ASIC2: variants seen among roughly 807,000 people sequenced by gnomAD.
ASIC2 encodes acid-sensing ion channel 2.
Under a neutral mutation model 57.3 loss-of-function variants are expected in ASIC2, and 25 were observed. The ratio of observed to expected loss-of-function variants is 0.44; its 90% CI spans 0.32 to 0.61. The LOEUF (loss-of-function observed/expected upper bound fraction) is 0.61, where lower values mean the gene tolerates loss of function less well. ASIC2 is among the 20% of genes least tolerant of loss of function. The probability of loss-of-function intolerance (pLI) is 0.06; values close to 1 mark genes in which losing one functional copy is unlikely to be tolerated. For synonymous variants in ASIC2, 319 were observed against 307.5 expected (o/e 1.04, Z -0.39); for missense variants, 641 against 738.1 (o/e 0.87, Z 1.52).
At chr17:33,211,318 TATC>T (rs1317652300) in intron 1 of ASIC2, among the ~76,000 whole-genome samples, 4 of 152,028 alleles carry the variant, frequency 2.6e-5, no homozygotes, top group Non-Finnish European at 5.9e-5. Flanking sequence ...TGTTTGGTGA[TATC>T]ATGTTGATGG....
At chr17:33,538,231 A>G (rs1056023445) in intron 1 of ASIC2, among the ~76,000 whole-genome samples, 5 of 152,178 alleles carry the variant, frequency 3.3e-5, no homozygotes, top group African/African-American at 1.2e-4. Context: ...AGGGTATGGA[A>G]GCTAAACAGG....
chr17:33,994,780 G>A (rs1460658723), intron 1 of ASIC2, among the ~76,000 whole-genome samples: 4 of 152,058 alleles, frequency 2.6e-5, no homozygotes, highest in Non-Finnish European at 2.9e-5. Flanking sequence ...GACACTCATA[G>A]ACTTTGGAGT....
At chr17:33,243,101 A>T (rs1384178412) in intron 1 of ASIC2, among the ~76,000 whole-genome samples, 1 of 152,234 alleles carries the variant, frequency 6.6e-6, no homozygotes, top group African/African-American at 2.4e-5. Flanking sequence ...GATACCATGC[A>T]GGGCTCTTCC....
chr17:33,473,202 G>A (rs1913111545), intron 1 of ASIC2, among the ~76,000 whole-genome samples: 1 of 152,360 alleles, frequency 6.6e-6, no homozygotes, highest in Admixed American at 6.5e-5. Flanking sequence ...GGACTGGCAT[G>A]GGGGACTATG....
chr17:34,063,237 T>C (rs1193221439), intron 1 of ASIC2, among the ~76,000 whole-genome samples: 1 of 152,202 alleles, frequency 6.6e-6, no homozygotes, highest in African/African-American at 2.4e-5. Flanking sequence ...ATAAATGTGA[T>C]ACACCACATA....
chr17:33,234,913 A>G (rs1555584752), intron 1 of ASIC2, among the ~76,000 whole-genome samples: 1 of 152,202 alleles, frequency 6.6e-6, no homozygotes, highest in Non-Finnish European at 1.5e-5. Context: ...CCATAACACT[A>G]TGCGTGCCCC....
chr17:33,069,126 C>G (rs1223676408), intron 3 of ASIC2, among the ~76,000 whole-genome samples: 1 of 152,048 alleles, frequency 6.6e-6, no homozygotes, highest in Non-Finnish European at 1.5e-5. Flanking sequence ...TATTTTGCTT[C>G]TGAATATTTG....
chr17:33,540,914 A>G (rs1915388150), intron 1 of ASIC2, among the ~76,000 whole-genome samples: 2 of 152,224 alleles, frequency 1.3e-5, no homozygotes, highest in Non-Finnish European at 1.5e-5. Flanking sequence ...CAATAGACAC[A>G]ATCCCTTTTG....
At chr17:33,170,302 A>G (rs1905461402) in intron 1 of ASIC2, among the ~76,000 whole-genome samples, 1 of 152,238 alleles carries the variant, frequency 6.6e-6, no homozygotes, top group Non-Finnish European at 1.5e-5. Context: ...TAAGAAAATC[A>G]TCAGTGATTA....
chr17:33,778,051 G>C (rs892771297), intron 1 of ASIC2, among the ~76,000 whole-genome samples: 12 of 152,150 alleles, frequency 7.9e-5, no homozygotes, highest in South Asian at 2.1e-4. Flanking sequence ...ATAGGAGGAG[G>C]CTGTGTGTCC....
intron 1 of ASIC2, among the ~76,000 whole-genome samples, chr17:33,996,493 GT>G (rs1352724667): frequency 2.0e-5 from 3 of 152,000 alleles, no homozygotes; most frequent in Non-Finnish European, 4.4e-5. Flanking sequence ...TAGTATCATT[GT>G]TTAAGTCTTT....
intron 1 of ASIC2, among the ~76,000 whole-genome samples, chr17:33,452,738 G>GGTGTGTGTGTGT (rs35126239): frequency 0.031 from 4,329 of 140,460 alleles, 105 homozygotes; most frequent in African/African-American, 0.061. Flanking sequence ...AACAGAGTGG[G>GGTGTGTGTGTGT]GTGTGTGTGT....
At chr17:34,087,736 T>C (rs1402417273) in intron 1 of ASIC2, among the ~76,000 whole-genome samples, 1 of 151,634 alleles carries the variant, frequency 6.6e-6, no homozygotes, top group Admixed American at 6.6e-5. Context: ...GCTTTGTTCA[T>C]TTCTTTTTAT....
At chr17:34,040,258 G>T (rs1431610036) in intron 1 of ASIC2, among the ~76,000 whole-genome samples, 2 of 149,318 alleles carry the variant, frequency 1.3e-5, no homozygotes, top group East Asian at 4.0e-4. Context: ...CGCGGAGGGC[G>T]GGGGTGTCGG....
intron 1 of ASIC2, among the ~76,000 whole-genome samples, chr17:33,867,497 C>A (rs1914273381): frequency 6.6e-6 from 1 of 152,212 alleles, no homozygotes; most frequent in Non-Finnish European, 1.5e-5. Context: ...TCATCTCCAT[C>A]CAATTCCAAA....
intron 1 of ASIC2, among the ~76,000 whole-genome samples, chr17:33,642,216 CCCCCCA>C (rs1423529225): frequency 4.1e-5 from 6 of 146,526 alleles, no homozygotes; most frequent in Non-Finnish European, 7.6e-5. Context: ...CACCCCCCCC[CCCCCCA>C]CACACAATGG....
At chr17:33,930,280 T>A (rs1915904393) in intron 1 of ASIC2, among the ~76,000 whole-genome samples, 3 of 152,248 alleles carry the variant, frequency 2.0e-5, no homozygotes, top group African/African-American at 4.8e-5. Context: ...TGGCTCCTTT[T>A]GTGTTTCATT....
At chr17:33,134,754 T>C (rs1014850032) in intron 1 of ASIC2, among the ~76,000 whole-genome samples, 40 of 152,292 alleles carry the variant, frequency 2.6e-4, no homozygotes, top group African/African-American at 9.6e-4. Context: ...TGGGGAGGGC[T>C]CCCATGGCTT....
At chr17:34,106,286 A>G (rs929534271) in intron 1 of ASIC2, among the ~76,000 whole-genome samples, 4 of 152,176 alleles carry the variant, frequency 2.6e-5, no homozygotes, top group Admixed American at 6.5e-5. Context: ...TTTTGAAAAT[A>G]TAGTTATTGA....
Sources: allele counts gnomAD v4.1 joint callset (sites outside exome capture counted in the v4.1 genomes callset), GRCh38; gene constraint gnomAD v4.1.1; transcripts MANE v1.5; gene names NCBI Gene and HGNC (gene_info 2026-07-23, HGNC 2026-07-21).